LSAMP: variants seen among roughly 807,000 people sequenced by gnomAD.
LSAMP encodes the protein limbic system-associated membrane protein.
A neutral mutation model predicts 38.6 loss-of-function variants in LSAMP; 7 were observed. The observed-to-expected ratio is 0.18, with a 90% CI of 0.10 to 0.34. LSAMP has a LOEUF of 0.34. Among genes scored for constraint, LSAMP ranks in the 10% least tolerant of loss-of-function variants. The pLI is 1.00. For synonymous variants in LSAMP, 154 were observed against 166.8 expected (o/e 0.92, Z 0.59); for missense variants, 313 against 420.0 (o/e 0.75, Z 2.23).
chr3:115,931,174 T>C lies in LSAMP; in HGVS notation c.515-78557A>G, dbSNP rs149636724. On this transcript the variant is annotated intron_variant, in intron 3 of 6. Coordinates refer to ENST00000490035, the MANE Select transcript of LSAMP (RefSeq NM_002338.5). ...CCCACCAGATGGGGAGAGAGCTCAT[T>C]ACTAACCCAGAGGAGAGAACTGACG... is the stretch of plus-strand genomic sequence containing the variant. Among the ~76,000 whole-genome samples, 667 of 152,192 alleles carry C rather than the reference T, an allele frequency of 4.4e-3. 5 individuals carry two copies. Among genetic ancestry groups the C allele is most frequent in the African/African-American group, 0.015 (623 of 41,536 alleles).
intron 3 of LSAMP, among the ~76,000 whole-genome samples, chr3:115,932,587 T>A (rs761997773): frequency 6.6e-6 from 1 of 152,164 alleles, no homozygotes; most frequent in East Asian, 1.9e-4. Flanking sequence ...GAAAAGATGA[T>A]CACATAGATT....
chr3:116,198,772 G>GAAAAAAAAAAAAAAA (rs71141858), intron 1 of LSAMP, among the ~76,000 whole-genome samples: 3 of 103,222 alleles, frequency 2.9e-5, no homozygotes, highest in Non-Finnish European at 5.7e-5. Flanking sequence ...CTCCGTCTCA[G>GAAAAAAAAAAAAAAA]AAAAAAAAAG....
In LSAMP at chr3:116,086,482, T is replaced by C; in HGVS notation, c.230A>G (p.Lys77Arg). Reference sequence around the variant, plus strand: ...CTCAACCCGTGGGTCCAGAGACCACTTGTCATGTCCAGCAAAAATGATGCC... The same window carrying C: ...CTCAACCCGTGGGTCCAGAGACCACCTGTCATGTCCAGCAAAAATGATGCC... ...RSGIIFAGHD[K>R]WSLDPRVELE... Residue 77 changes from lysine (K) to arginine (R), a missense_variant, in exon 2 of 7, where the codon AAG becomes AGG. Coordinates refer to ENST00000490035, the MANE Select transcript of LSAMP (RefSeq NM_002338.5). 1 of 1,614,128 alleles carries C rather than the reference T, an allele frequency of 6.2e-7. No homozygotes were observed. Among genetic ancestry groups the C allele is most frequent in the Non-Finnish European group, 8.5e-7 (1 of 1,180,006 alleles).
chr3:116,200,441 T>G (rs964804968), intron 1 of LSAMP, among the ~76,000 whole-genome samples: 3 of 152,166 alleles, frequency 2.0e-5, no homozygotes, highest in Admixed American at 1.3e-4. Flanking sequence ...AACAGTGGAT[T>G]TTTCAGAGTC....
intron 1 of LSAMP, among the ~76,000 whole-genome samples, chr3:116,196,759 A>C (rs761982229): frequency 2.6e-5 from 4 of 152,164 alleles, no homozygotes; most frequent in Non-Finnish European, 5.9e-5. Flanking sequence ...GAAGTGTATC[A>C]GTCTCACTTT....
chr3:116,171,799 G>A (rs1209750284), intron 1 of LSAMP, among the ~76,000 whole-genome samples: 1 of 151,848 alleles, frequency 6.6e-6, no homozygotes, highest in Non-Finnish European at 1.5e-5. Context: ...GAGAAGAGAG[G>A]ATCAACTTTT....
At chr3:116,116,719 T>G (rs1181631052) in intron 1 of LSAMP, among the ~76,000 whole-genome samples, 2 of 150,734 alleles carry the variant, frequency 1.3e-5, no homozygotes, top group Non-Finnish European at 3.0e-5. Flanking sequence ...CCATCTCAAA[T>G]AATAATGATA....
At chr3:115,822,362 CTTT>C (rs57335228) in intron 6 of LSAMP, among the ~76,000 whole-genome samples, 137 of 120,830 alleles carry the variant, frequency 1.1e-3, no homozygotes, top group African/African-American at 1.4e-3. Context: ...TTCTTTCCTT[CTTT>C]TTTTTTTTTT....
intron 3 of LSAMP, among the ~76,000 whole-genome samples, chr3:115,859,975 G>A (rs554899635): frequency 2.6e-5 from 4 of 152,294 alleles, no homozygotes; most frequent in African/African-American, 9.6e-5. Context: ...CCTATATTTA[G>A]TTCTCTGAAG....
chr3:116,066,571 T>A (rs1242590240), intron 2 of LSAMP, among the ~76,000 whole-genome samples: 1 of 152,240 alleles, frequency 6.6e-6, no homozygotes, highest in Non-Finnish European at 1.5e-5. Flanking sequence ...TTACCTTTTT[T>A]TCTGATACCG....
intron 3 of LSAMP, among the ~76,000 whole-genome samples, chr3:115,911,036 C>A (rs1424021267): frequency 1.3e-5 from 2 of 152,202 alleles, no homozygotes; most frequent in African/African-American, 4.8e-5. Context: ...CTGACATGAT[C>A]ATTTACACAT....
intron 2 of LSAMP, among the ~76,000 whole-genome samples, chr3:116,074,841 A>ATTTTTTTTTT (rs1707698362): frequency 7.7e-6 from 1 of 130,380 alleles, no homozygotes; most frequent in African/African-American, 3.3e-5. Flanking sequence ...TATTTTCTTT[A>ATTTTTTTTTT]TTCTTTTTTT....
chr3:116,436,686 C>G (rs1012637873), intron 1 of LSAMP, among the ~76,000 whole-genome samples: 6 of 152,148 alleles, frequency 3.9e-5, no homozygotes. Flanking sequence ...ACAATAGACG[C>G]TGGCATGGAT....
At chr3:115,815,114 G>C (rs1933973604) in intron 6 of LSAMP, among the ~76,000 whole-genome samples, 1 of 151,936 alleles carries the variant, frequency 6.6e-6, no homozygotes, top group South Asian at 2.1e-4. Flanking sequence ...ACTTACCTGA[G>C]GTACATACAG....
chr3:116,257,455 C>A (rs2046766549), intron 1 of LSAMP, among the ~76,000 whole-genome samples: 2 of 151,958 alleles, frequency 1.3e-5, no homozygotes, highest in Admixed American at 1.3e-4. Flanking sequence ...AGCAGTCATA[C>A]AAGATTCAAT....
Position 115,912,247 on chromosome 3 carries a change from C to CT in LSAMP, c.515-59631dup, listed in dbSNP as rs1267121968. Among the ~76,000 whole-genome samples the CT allele has an allele frequency of 3.9e-5, 6 of 152,236 alleles. No individual in the cohort carries two copies. In the South Asian group the frequency reaches 1.0e-3, roughly 26 times the overall value. On this transcript the variant is annotated intron_variant, in intron 3 of 6. Coordinates refer to ENST00000490035, the MANE Select transcript of LSAMP (RefSeq NM_002338.5). ...TTTGCCTAACCCTAGATCATGAAGACTTTTTTCTAAAAAGTTTTACAGTTT... is the reference window on the plus strand; with the variant it reads ...TTTGCCTAACCCTAGATCATGAAGACTTTTTTTCTAAAAAGTTTTACAGTTT...
chr3:115,871,427 G>T (rs575718906), intron 3 of LSAMP, among the ~76,000 whole-genome samples: 1 of 152,104 alleles, frequency 6.6e-6, no homozygotes, highest in Non-Finnish European at 1.5e-5. Flanking sequence ...ACCATTGAAG[G>T]TTTCAGAGGC....
intron 1 of LSAMP, among the ~76,000 whole-genome samples, chr3:116,344,246 G>T (rs972187093): frequency 6.6e-6 from 1 of 152,002 alleles, no homozygotes; most frequent in African/African-American, 2.4e-5. Context: ...TGATTACACT[G>T]GTACAGATAA....
Position 115,810,418 on chromosome 3 carries a change from C to A in LSAMP, c.920-4G>T. On this transcript the variant is annotated splice_region_variant and splice_polypyrimidine_tract_variant and intron_variant, in intron 6 of 6. Transcript: ENST00000490035. Reference sequence around the variant, plus strand: ...ATTCCTCTCACCGACCCAGGTCCTGCAGAGCAAAAGAGGAGAGAGAAAAAG... The same window carrying A: ...ATTCCTCTCACCGACCCAGGTCCTGAAGAGCAAAAGAGGAGAGAGAAAAAG... 1 of 1,605,238 alleles carries A rather than the reference C, an allele frequency of 6.2e-7. No individual in the cohort carries two copies. The highest frequency in any genetic ancestry group is 8.5e-7 in the Non-Finnish European group (1 of 1,172,508).
Sources: gnomAD v4.1 joint callset for allele counts (sites outside exome capture counted in the v4.1 genomes callset) on GRCh38, gnomAD v4.1.1 for gene constraint, MANE v1.5 for transcripts, NCBI Gene and HGNC (gene_info 2026-07-23, HGNC 2026-07-21) for gene names.